The following BCAS1 variants were observed in gnomAD, a reference collection of about 807,000 sequenced individuals.
BCAS1 encodes the protein brain enriched myelin associated protein 1.
Under a neutral mutation model 65.4 loss-of-function variants are expected in BCAS1, and 46 were observed. The observed-to-expected ratio is 0.70, with a 90% confidence interval of 0.55 to 0.90. The LOEUF (loss-of-function observed/expected upper bound fraction) is 0.90, where lower values mean the gene tolerates loss of function less well. Ranked by LOEUF, BCAS1 falls within the 40% of genes least tolerant of loss-of-function variation. The pLI, the probability that BCAS1 is intolerant of heterozygous loss-of-function variation, is 0.00. For synonymous variants in BCAS1, 298 were observed against 293.5 expected, an observed-to-expected ratio of 1.02 and a Z score of -0.16; for missense variants, 793 against 771.2, an observed-to-expected ratio of 1.03 and a Z score of -0.33.
intron 4 of BCAS1, among the ~76,000 whole-genome samples, chr20:54,000,576 C>T (rs1273687545): frequency 6.6e-6 from 1 of 152,150 alleles, no homozygotes; most frequent in Non-Finnish European, 1.5e-5. Flanking sequence ...CTTTTCTCTC[C>T]TTTCATGGAC....
chr20:53,954,327 GA>G, intron 11 of BCAS1, among the ~76,000 whole-genome samples: 2 of 151,028 alleles, frequency 1.3e-5, no homozygotes, highest in African/African-American at 4.9e-5. Context: ...GAGAGAGAGA[GA>G]GAGAGAGGGA....
chr20:53,953,437 C>A lies in BCAS1; in HGVS notation c.1810G>T (p.Gly604Cys). Reference sequence around the variant, plus strand: ...GGCAAAAAAAATCCACCTACCAGGCCTTTAAAGAAGCCCCCAAGGGACTGC... The same window carrying A: ...GGCAAAAAAAATCCACCTACCAGGCATTTAAAGAAGCCCCCAAGGGACTGC... ...RQQSLGGFFK[G>C]LGPKRMLDAQ... Residue 604 changes from glycine (G) to cysteine (C), a missense_variant, in exon 12 of 13, where the codon GGC becomes TGC. Physicochemically the swap from Gly to Cys is radical, Grantham distance 159. Transcript: ENST00000688948. 5 of 1,613,906 alleles carry A rather than the reference C, an allele frequency of 3.1e-6. No individual in the cohort carries two copies. The highest frequency in any genetic ancestry group is 4.2e-6 in the Non-Finnish European group (5 of 1,179,986).
At chr20:54,005,276 T>A (rs1826375189) in intron 4 of BCAS1, among the ~76,000 whole-genome samples, 1 of 82,242 alleles carries the variant, frequency 1.2e-5, no homozygotes, top group Non-Finnish European at 2.9e-5. Context: ...GGCAATATAG[T>A]GAGACCTTGT....
chr20:54,058,704 C>A lies in BCAS1; in HGVS notation c.15G>T (p.Met5Ile), dbSNP rs2092336405. The change falls in exon 2 of 13, where the codon ATG becomes ATT. Residue 5 changes from methionine (M) to isoleucine (I), a missense_variant. Physicochemically the swap from Met to Ile is conservative, Grantham distance 10. Coordinates refer to ENST00000688948, the MANE Select transcript of BCAS1 (RefSeq NM_001366298.2). MGNQ[M>I]SVPQRVEDQE... is the part of the protein sequence containing the mutation. ...GGTCTTCAACTCTTTGGGGAACACT[C>A]ATTTGGTTACCCATTGCTCCTATAA... 1.3e-6 allele frequency: 2 copies of A among 1,589,424 alleles called. No homozygotes were observed. Among genetic ancestry groups the A allele is most frequent in the Middle Eastern group, 1.7e-4 (1 of 5,930 alleles).
At chr20:54,029,085 T>C (rs1226288480) in intron 3 of BCAS1, 113 bp from the exon 4 acceptor site, 19 of 1,450,450 alleles carry the variant, frequency 1.3e-5, no homozygotes, top group Non-Finnish European at 1.6e-5. Context: ...TGGAACTGTG[T>C]TGTTCTCTGG....
At chr20:53,961,989 G>T (rs2089892369) in intron 10 of BCAS1, among the ~76,000 whole-genome samples, 1 of 152,160 alleles carries the variant, frequency 6.6e-6, no homozygotes, top group Admixed American at 6.5e-5. Flanking sequence ...TCTCATTGTT[G>T]TTACTGCCGA....
intron 12 of BCAS1, among the ~76,000 whole-genome samples, chr20:53,949,120 G>A (rs62206656): frequency 0.062 from 9,456 of 152,156 alleles, 415 homozygotes; most frequent in Non-Finnish European, 0.087. Context: ...GGTGCTTAGG[G>A]GAAGGGAGAA....
At chr20:54,055,238 T>G (rs1008870802) in intron 3 of BCAS1, among the ~76,000 whole-genome samples, 6 of 152,310 alleles carry the variant, frequency 3.9e-5, no homozygotes, top group African/African-American at 1.2e-4. Context: ...GTATGGAAGT[T>G]CCTAAGAAAG....
chr20:53,979,118 G>C (rs2090411962), intron 8 of BCAS1, among the ~76,000 whole-genome samples: 1 of 152,166 alleles, frequency 6.6e-6, no homozygotes, highest in African/African-American at 2.4e-5. Context: ...GGAGATCCTG[G>C]AAGGTATGTT....
intron 12 of BCAS1, among the ~76,000 whole-genome samples, chr20:53,949,814 C>A (rs1286674940): frequency 6.6e-6 from 1 of 152,024 alleles, no homozygotes. Flanking sequence ...AGAAGCAGTC[C>A]CAGCCTGAAG....
At chr20:53,963,142 G>A (rs1056335473) in intron 10 of BCAS1, among the ~76,000 whole-genome samples, 3 of 151,176 alleles carry the variant, frequency 2.0e-5, no homozygotes, top group Non-Finnish European at 2.9e-5. Flanking sequence ...GAGCCACCGC[G>A]CCTGGCCTCT....
At chr20:54,060,918 ATC>A (rs1413589947) in intron 1 of BCAS1, among the ~76,000 whole-genome samples, 1 of 152,226 alleles carries the variant, frequency 6.6e-6, no homozygotes, top group Non-Finnish European at 1.5e-5. Flanking sequence ...GATTGATAGC[ATC>A]TCTCACATAT....
At chr20:54,010,952 C>T (rs1319797191) in intron 4 of BCAS1, among the ~76,000 whole-genome samples, 1 of 152,012 alleles carries the variant, frequency 6.6e-6, no homozygotes, top group Non-Finnish European at 1.5e-5. Flanking sequence ...CGACTTTTGA[C>T]AAAGGTGTAA....
intron 4 of BCAS1, among the ~76,000 whole-genome samples, chr20:54,012,825 T>A (rs1002014431): frequency 2.0e-5 from 3 of 152,130 alleles, no homozygotes; most frequent in East Asian, 1.9e-4. Context: ...AAAGAATAAA[T>A]AACTTGCCTA....
chr20:53,958,604 T>C (rs1049757962), intron 10 of BCAS1, among the ~76,000 whole-genome samples: 6 of 152,234 alleles, frequency 3.9e-5, no homozygotes, highest in Admixed American at 2.6e-4. Context: ...TTATGTATCT[T>C]TGTTGTCTGA....
At chr20:54,028,312 G>C in intron 4 of BCAS1, 80 bp downstream of exon 4, 1 of 1,457,466 alleles carries the variant, frequency 6.9e-7, no homozygotes, top group South Asian at 1.1e-5. Flanking sequence ...CAGGGTGACT[G>C]CATATGTGCA....
In BCAS1 at chr20:53,953,622, T is replaced by C. The variant is rs138293922; in HGVS notation, c.1625A>G (p.Glu542Gly). The C allele has an allele frequency of 1.5e-4, 239 of 1,613,958 alleles. No homozygotes were observed. In the African/African-American group the frequency reaches 2.9e-3, roughly 20 times the overall value. The change falls in exon 12 of 13, where the codon GAG becomes GGG. Residue 542 changes from glutamate to glycine, a missense_variant. Coordinates refer to ENST00000688948, the MANE Select transcript of BCAS1 (RefSeq NM_001366298.2). ...EPTGAPQKGK[E>G]GSSKDKKSAA... is the part of the protein sequence containing the mutation. The stretch of plus-strand genomic sequence containing the variant: ...TGACTTCTTGTCCTTCGAGGAGCCC[T>C]CTTTACCCTTCTGTGGTGCTCCTGT...
At chr20:54,027,395 A>G (rs989117894) in intron 4 of BCAS1, among the ~76,000 whole-genome samples, 17 of 152,228 alleles carry the variant, frequency 1.1e-4, no homozygotes, top group African/African-American at 4.1e-4. Context: ...AGAGCCTGGC[A>G]CATTGAACAT....
Position 54,058,558 on chromosome 20 carries a change from A to G in BCAS1, c.72+89T>C. On this transcript the variant is annotated intron_variant, in intron 2 of 12. Transcript: ENST00000688948. ...CAGACACAATCAATCAGCAGCCAGG[A>G]CTTCAGTCAACACACTTGTCAAATA... 4 of 1,528,746 alleles carry G rather than the reference A, an allele frequency of 2.6e-6. No individual in the cohort carries two copies. In the South Asian group the frequency reaches 5.2e-5, roughly 20 times the overall value. The allele number at this position is 1,528,746 out of a possible 1,614,324, so 94.7% of individuals were successfully genotyped here. A position where few individuals can be genotyped will look rare whatever the true frequency, so the allele number is the denominator to read the frequency against.
Sources: allele counts gnomAD v4.1 joint callset (sites outside exome capture counted in the v4.1 genomes callset), GRCh38; gene constraint gnomAD v4.1.1; transcripts MANE v1.5; gene names NCBI Gene and HGNC (gene_info 2026-07-23, HGNC 2026-07-21).